KCNIP4: variants seen among roughly 807,000 people sequenced by gnomAD.
The protein encoded by KCNIP4 is Kv channel-interacting protein 4.
A neutral mutation model predicts 34.0 loss-of-function variants in KCNIP4; 12 were observed. That is an observed-to-expected ratio of 0.35 (90% CI 0.23 to 0.57). The LOEUF (loss-of-function observed/expected upper bound fraction) is 0.57, where lower values mean the gene tolerates loss of function less well. Among genes scored for constraint, KCNIP4 ranks in the 20% least tolerant of loss-of-function variants. KCNIP4 has a pLI of 0.83. For missense variants in KCNIP4, 238 were observed against 311.7 expected, an observed-to-expected ratio of 0.76 and a Z score of 1.78; for synonymous variants, 124 against 102.2, an observed-to-expected ratio of 1.21 and a Z score of -1.29.
At chr4:20,797,742 C>T (rs1238425220) in intron 3 of KCNIP4, among the ~76,000 whole-genome samples, 1 of 152,118 alleles carries the variant, frequency 6.6e-6, no homozygotes, top group Non-Finnish European at 1.5e-5. Flanking sequence ...GAGCTAAGAG[C>T]AGTCCCTGGC....
At chr4:21,441,978 A>G (rs1214183586) in intron 1 of KCNIP4, among the ~76,000 whole-genome samples, 1 of 152,196 alleles carries the variant, frequency 6.6e-6, no homozygotes, top group Non-Finnish European at 1.5e-5. Flanking sequence ...TCATCTATAG[A>G]AAAAGACAAG....
At chr4:21,585,273 A>G (rs1466876982) in intron 1 of KCNIP4, among the ~76,000 whole-genome samples, 1 of 151,954 alleles carries the variant, frequency 6.6e-6, no homozygotes, top group African/African-American at 2.4e-5. Context: ...CCACTTCCCA[A>G]GTCGGTAGAG....
intron 1 of KCNIP4, among the ~76,000 whole-genome samples, chr4:21,334,789 C>A: frequency 6.6e-6 from 1 of 151,992 alleles, no homozygotes; most frequent in East Asian, 1.9e-4. Flanking sequence ...TGTGTGACTT[C>A]TTTCAGATCA....
chr4:21,517,642 C>G (rs1488404034), intron 1 of KCNIP4, among the ~76,000 whole-genome samples: 1 of 152,124 alleles, frequency 6.6e-6, no homozygotes, highest in African/African-American at 2.4e-5. Context: ...TGCCTACACT[C>G]CTTCAGGGTT....
intron 1 of KCNIP4, among the ~76,000 whole-genome samples, chr4:20,922,883 T>A (rs1376488025): frequency 6.6e-6 from 1 of 152,194 alleles, no homozygotes; most frequent in African/African-American, 2.4e-5. Context: ...TCTTCTGGTG[T>A]ACAAAATATC....
At chr4:21,109,436 T>C (rs992117806) in intron 1 of KCNIP4, among the ~76,000 whole-genome samples, 1 of 152,202 alleles carries the variant, frequency 6.6e-6, no homozygotes, top group African/African-American at 2.4e-5. Flanking sequence ...TGGTGTGCCG[T>C]TTTTTAAGCC....
intron 1 of KCNIP4, among the ~76,000 whole-genome samples, chr4:21,520,713 A>G (rs1217306320): frequency 1.3e-5 from 2 of 152,060 alleles, no homozygotes; most frequent in Non-Finnish European, 2.9e-5. Context: ...TAACTTGGAT[A>G]GTTTATTTTT....
intron 1 of KCNIP4, among the ~76,000 whole-genome samples, chr4:21,714,789 ATT>A (rs1364392727): frequency 0.037 from 182 of 4,858 alleles, 1 homozygote; most frequent in Non-Finnish European, 0.14. Context: ...CCCTTTGATT[ATT>A]TTATTTTATT....
intron 3 of KCNIP4, among the ~76,000 whole-genome samples, chr4:20,842,460 C>A (rs751088823): frequency 6.6e-6 from 1 of 151,794 alleles, no homozygotes; most frequent in Non-Finnish European, 1.5e-5. Flanking sequence ...CCTGGCTGAT[C>A]GTGAACTAGT....
intron 1 of KCNIP4, among the ~76,000 whole-genome samples, chr4:21,719,917 T>G (rs2109092878): frequency 6.8e-6 from 1 of 146,698 alleles, no homozygotes; most frequent in South Asian, 2.1e-4. Flanking sequence ...GAGCTGAGAT[T>G]GTGCCATTGT....
chr4:21,233,119 T>C (rs1758918701), intron 1 of KCNIP4, among the ~76,000 whole-genome samples: 1 of 152,070 alleles, frequency 6.6e-6, no homozygotes, highest in African/African-American at 2.4e-5. Flanking sequence ...GATAGTAAGG[T>C]GTTAGCCAAA....
At chr4:21,370,696 A>G (rs145576582) in intron 1 of KCNIP4, among the ~76,000 whole-genome samples, 3,254 of 138,356 alleles carry the variant, frequency 0.024, 101 homozygotes, top group Non-Finnish European at 0.032. Context: ...CATTTGGGAT[A>G]TCTAGCAGAA....
In KCNIP4 at chr4:20,729,505, T is replaced by A. The variant is rs1747297153; in HGVS notation, c.*577A>T. 1 of 148,758 alleles carries A rather than the reference T, an allele frequency of 6.7e-6. No homozygotes were observed. Among genetic ancestry groups the A allele is most frequent in the African/African-American group, 2.5e-5 (1 of 40,590 alleles). 9.2% of individuals were successfully genotyped at this position (148,758 alleles called of 1,614,324 possible). A position where few individuals can be genotyped will look rare whatever the true frequency, so the allele number is the denominator to read the frequency against. ...AAATGTTTAATAATTTTTAAATGTT[T>A]AAAAATGCCAGATAAAACTAATTTC... On this transcript the variant is annotated 3_prime_UTR_variant, in exon 9 of 9. Coordinates refer to ENST00000382152, the MANE Select transcript of KCNIP4 (RefSeq NM_025221.6).
At chr4:21,317,494 C>T (rs761353007) in intron 1 of KCNIP4, among the ~76,000 whole-genome samples, 56 of 152,058 alleles carry the variant, frequency 3.7e-4, no homozygotes, top group Non-Finnish European at 1.8e-4. Context: ...GGGTTGTTAA[C>T]GATAATGTTG....
chr4:20,736,301 A>G lies in KCNIP4; in HGVS notation c.430-1566T>C, dbSNP rs188468939. On this transcript the variant is annotated intron_variant, in intron 5 of 8. Transcript: ENST00000382152. ...TTGAGTTTCCATTGTATATGTAAATACATCGTAGTTTATTTAACCAAATTG... is the reference window on the plus strand; with the variant it reads ...TTGAGTTTCCATTGTATATGTAAATGCATCGTAGTTTATTTAACCAAATTG... 2.3e-3 allele frequency among the ~76,000 whole-genome samples: 354 copies of G among 152,328 alleles called. 8 individuals are homozygous for G. In the South Asian group the frequency reaches 0.046, roughly 20 times the overall value.
intron 1 of KCNIP4, among the ~76,000 whole-genome samples, chr4:21,748,771 G>A (rs541680810): frequency 2.0e-5 from 3 of 152,106 alleles, no homozygotes; most frequent in Middle Eastern, 6.8e-3. Flanking sequence ...TAGATAGCCC[G>A]GATCATGGTA....
At chr4:21,706,722 A>C (rs536511679) in intron 1 of KCNIP4, among the ~76,000 whole-genome samples, 61 of 152,200 alleles carry the variant, frequency 4.0e-4, no homozygotes, top group African/African-American at 1.4e-3. Flanking sequence ...TCTCTCAAAG[A>C]CTGCTCCTCT....
chr4:21,046,253 T>C (rs1221264754), intron 1 of KCNIP4, among the ~76,000 whole-genome samples: 1 of 152,220 alleles, frequency 6.6e-6, no homozygotes, highest in Non-Finnish European at 1.5e-5. Flanking sequence ...TGGCTCTGCA[T>C]ATTTCTAAAA....
intron 1 of KCNIP4, among the ~76,000 whole-genome samples, chr4:21,505,880 A>T (rs147297479): frequency 0.012 from 1,866 of 152,262 alleles, 75 homozygotes; most frequent in East Asian, 0.12. Flanking sequence ...AGGCAGGTGG[A>T]TCATCTGAGC....
Sources: gnomAD v4.1 joint callset for allele counts (sites outside exome capture counted in the v4.1 genomes callset) on GRCh38, gnomAD v4.1.1 for gene constraint, MANE v1.5 for transcripts, NCBI Gene and HGNC (gene_info 2026-07-23, HGNC 2026-07-21) for gene names.